ADGRG2: variants seen among roughly 807,000 people sequenced by gnomAD.
ADGRG2 encodes the protein adhesion G protein-coupled receptor G2.
ADGRG2 carries 26 observed loss-of-function variants against 74.1 expected under a neutral mutation model. That is an observed-to-expected ratio of 0.35 (90% CI 0.26 to 0.49). The LOEUF (loss-of-function observed/expected upper bound fraction) is 0.49. Ranked by LOEUF, ADGRG2 falls within the 20% of genes least tolerant of loss-of-function variation. ADGRG2 has a pLI of 0.99. For missense variants in ADGRG2, 619 were observed against 763.1 expected (o/e 0.81, Z 2.22); for synonymous variants, 296 against 295.2 (o/e 1.00, Z -0.03).
In ADGRG2 at chrX:19,028,229, C is replaced by A; in HGVS notation, c.368G>T (p.Arg123Ile). 1 of 997,347 alleles carries A rather than the reference C, an allele frequency of 1.0e-6. No homozygotes were observed. The highest frequency in any genetic ancestry group is 1.4e-6 in the Non-Finnish European group (1 of 709,252). The allele number at this position is 997,347 out of a possible 1,213,427, so 82.2% of individuals were successfully genotyped here. Residue 123 changes from arginine to isoleucine, a missense_variant, in exon 10 of 29, where the codon AGA becomes ATA. Physicochemically the swap from Arg to Ile is moderately conservative, Grantham distance 97 (BLOSUM62 -3). This residue lies in a region of ADGRG2 where 292 missense variants were observed against 318.0 expected (regional missense o/e 0.92). Transcript: ENST00000379869. ...SSICNDSAFF[R>I]GEIMFQYDKE... ...ATCATATTGAAACATGATCTCACCTCTAAAAAATGCTAAAAATAAATTTTC... is the reference window on the plus strand; with the variant it reads ...ATCATATTGAAACATGATCTCACCTATAAAAAATGCTAAAAATAAATTTTC...
chrX:19,009,604 T>C, intron 18 of ADGRG2, 22 bp downstream of exon 18: 1 of 1,188,534 alleles, frequency 8.4e-7, no homozygotes, highest in Middle Eastern at 2.3e-4. Context: ...AATGTTTTTT[T>C]CTGCCATCAA....
chrX:19,078,031 A>G (rs1230953299), intron 2 of ADGRG2, among the ~76,000 whole-genome samples: 1 of 112,225 alleles, frequency 8.9e-6, no homozygotes, highest in Non-Finnish European at 1.9e-5. Flanking sequence ...GACCATATCT[A>G]GAAGCCCCCA....
chrX:19,067,827 C>G (rs1215686430), intron 3 of ADGRG2, among the ~76,000 whole-genome samples: 1 of 111,948 alleles, frequency 8.9e-6, no homozygotes, highest in Non-Finnish European at 1.9e-5. Flanking sequence ...GAGCAAAGGA[C>G]TTGAATAGAC....
intron 6 of ADGRG2, 195 bp from the exon 7 acceptor site, chrX:19,036,172 C>T (rs762933217): frequency 3.2e-5 from 10 of 309,776 alleles, no homozygotes; most frequent in African/African-American, 1.9e-4. Context: ...GAGACAATTC[C>T]GGAGCAAATG....
At position 19,013,870 on chromosome X, in the gene ADGRG2, C is replaced by T. The variant is rs769346013; in HGVS notation, c.915G>A (p.Gln305=). 5 of 1,208,696 alleles carry T rather than the reference C, an allele frequency of 4.1e-6. No homozygotes were observed. Among genetic ancestry groups the T allele is most frequent in the Non-Finnish European group, 5.6e-6 (5 of 893,710 alleles). The change falls in exon 16 of 29, where the codon CAG becomes CAA. Residue 305 remains glutamine (Q), a synonymous_variant. Transcript: ENST00000379869. ...PIGEIQPLSP[Q]PSAPIASSPA... ...GGCTGGAAGCTATGGGAGCTGAAGG[C>T]TGGGGTGAAAGGGGTTGAATCTCCC... is the stretch of plus-strand genomic sequence containing the variant.
chrX:19,100,197 C>T (rs974735477), intron 1 of ADGRG2, among the ~76,000 whole-genome samples: 2 of 112,740 alleles, frequency 1.8e-5, no homozygotes, highest in African/African-American at 6.4e-5. Context: ...TTCCTGACAA[C>T]GCTTTAGAAG....
chrX:19,021,052 T>C, intron 14 of ADGRG2, 52 bp downstream of exon 14: 1 of 639,743 alleles, frequency 1.6e-6, no homozygotes, highest in Middle Eastern at 4.3e-4. Flanking sequence ...ATTAGAAAAA[T>C]AACACATTAA....
At chrX:19,105,062 C>A (rs961680160) in intron 1 of ADGRG2, among the ~76,000 whole-genome samples, 3 of 110,981 alleles carry the variant, frequency 2.7e-5, no homozygotes, top group Admixed American at 9.6e-5. Context: ...AGTGAAACCC[C>A]GTCTCTACTA....
chrX:19,010,798 C>G lies in ADGRG2; in HGVS notation c.1100-20G>C. ...CGATGTCTATATCAAAGAGCCAAAT[C>G]GTGTTATGAACACACAATGGAAAAC... is the stretch of plus-strand genomic sequence containing the variant. On this transcript the variant is annotated intron_variant, in intron 16 of 28. Coordinates refer to ENST00000379869, the MANE Select transcript of ADGRG2 (RefSeq NM_001079858.3). 1 of 1,150,132 alleles carries G rather than the reference C, an allele frequency of 8.7e-7. No individual in the cohort carries two copies. 94.8% of individuals were successfully genotyped at this position (1,150,132 alleles called of 1,213,427 possible).
chrX:19,065,194 C>T (rs2061545991), intron 3 of ADGRG2, among the ~76,000 whole-genome samples: 3 of 94,935 alleles, frequency 3.2e-5, no homozygotes, highest in African/African-American at 8.0e-5. Flanking sequence ...CACCTGAGCC[C>T]GGGAGGTTGA....
intron 1 of ADGRG2, among the ~76,000 whole-genome samples, chrX:19,108,615 C>A (rs925368770): frequency 1.6e-4 from 18 of 111,960 alleles, no homozygotes; most frequent in African/African-American, 5.2e-4. Flanking sequence ...TAACCACATG[C>A]AACGATATGG....
At chrX:19,053,800 T>C (rs1488350697) in intron 3 of ADGRG2, among the ~76,000 whole-genome samples, 2 of 111,673 alleles carry the variant, frequency 1.8e-5, no homozygotes, top group African/African-American at 6.5e-5. Context: ...TTTACTCACA[T>C]TTCCACATGG....
At chrX:19,074,142 G>A in intron 2 of ADGRG2, among the ~76,000 whole-genome samples, 1 of 112,044 alleles carries the variant, frequency 8.9e-6, no homozygotes, top group Middle Eastern at 4.6e-3. Context: ...TGTCTTCAGT[G>A]TTCCGGGAAT....
At chrX:19,092,696 C>T (rs1319604345) in intron 1 of ADGRG2, among the ~76,000 whole-genome samples, 2 of 111,791 alleles carry the variant, frequency 1.8e-5, no homozygotes, top group African/African-American at 6.5e-5. Context: ...CAGTCCTTGC[C>T]TCTGTCTGCA....
intron 1 of ADGRG2, among the ~76,000 whole-genome samples, chrX:19,116,630 T>G (rs1258640795): frequency 9.1e-6 from 1 of 109,858 alleles, no homozygotes; most frequent in Non-Finnish European, 1.9e-5. Flanking sequence ...GAAAGACTGG[T>G]TTAGAGGCTA....
chrX:19,090,853 A>G (rs921192497), intron 1 of ADGRG2, among the ~76,000 whole-genome samples: 8 of 111,418 alleles, frequency 7.2e-5, no homozygotes, highest in Non-Finnish European at 1.5e-4. Context: ...AAACAGAGAT[A>G]TGATACAAAA....
At chrX:19,049,946 C>T (rs2061285613) in intron 3 of ADGRG2, among the ~76,000 whole-genome samples, 1 of 111,740 alleles carries the variant, frequency 8.9e-6, no homozygotes, top group African/African-American at 3.3e-5. Flanking sequence ...GGCAGGGGTG[C>T]GTGCACCAGT....
At position 18,990,926 on chromosome X, in the gene ADGRG2, C is replaced by T. The variant is rs1230146072; in HGVS notation, c.2992G>A (p.Gly998Ser). 8.3e-7 allele frequency: 1 copy of T among 1,208,023 alleles called. No homozygotes were observed. Among genetic ancestry groups the T allele is most frequent in the South Asian group, 1.8e-5 (1 of 56,835 alleles). Residue 998 changes from glycine to serine, a missense_variant, in exon 29 of 29, where the codon GGC becomes AGC. By Grantham distance (56) the Gly-to-Ser change is moderately conservative. Around this residue, in one of 3 missense-constraint regions of ADGRG2, gnomAD observed 106 missense variants for 104.5 expected, o/e 1.01. Coordinates refer to ENST00000379869, the MANE Select transcript of ADGRG2 (RefSeq NM_001079858.3). ...NEKEDSCNGK[G>S]RMALRRTSKR... ...GAAGTCCTTCTGAGAGCCATACGGC[C>T]TTTCCCATTGCAGGAATCTTCCTTC... is the stretch of plus-strand genomic sequence containing the variant.
At chrX:19,107,242 A>T (rs1224887361) in intron 1 of ADGRG2, among the ~76,000 whole-genome samples, 4 of 112,267 alleles carry the variant, frequency 3.6e-5, no homozygotes, top group Non-Finnish European at 5.6e-5. Flanking sequence ...TCCCCAGGCA[A>T]TCGTTTTGCA....
Sources: gnomAD v4.1 joint callset for allele counts (sites outside exome capture counted in the v4.1 genomes callset) on GRCh38, gnomAD v4.1.1 for gene constraint, gnomAD v4.1.1 regional missense constraint, MANE v1.5 for transcripts, NCBI Gene and HGNC (gene_info 2026-07-23, HGNC 2026-07-21) for gene names.